The following DIS3L2 variants were observed in gnomAD, a reference collection of about 807,000 sequenced individuals.
DIS3L2 encodes DIS3-like exonuclease 2.
DIS3L2 carries 34 observed loss-of-function variants against 97.5 expected under a neutral mutation model. The observed-to-expected ratio is 0.35, with a 90% CI of 0.27 to 0.46. DIS3L2 has a LOEUF of 0.46. Among genes scored for constraint, DIS3L2 ranks in the 20% least tolerant of loss-of-function variants. The probability of loss-of-function intolerance (pLI) is 1.00; values close to 1 mark genes in which losing one functional copy is unlikely to be tolerated. For synonymous variants in DIS3L2, 435 were observed against 445.2 expected (o/e 0.98, Z 0.29); for missense variants, 1,038 against 1,146.0 (o/e 0.91, Z 1.36).
intron 1 of DIS3L2, among the ~76,000 whole-genome samples, chr2:232,000,725 CTTTTT>C (rs35247478): frequency 1.1e-5 from 1 of 91,142 alleles, no homozygotes; most frequent in Non-Finnish European, 2.3e-5. Context: ...TCTTCTTCTT[CTTTTT>C]TTTTTTTTTT....
At chr2:232,190,629 A>G (rs1691594244) in intron 9 of DIS3L2, among the ~76,000 whole-genome samples, 1 of 152,070 alleles carries the variant, frequency 6.6e-6, no homozygotes. Context: ...AGGAAGAAAG[A>G]AAGAGAAAGA....
At chr2:232,087,897 G>T in intron 6 of DIS3L2, 176 bp downstream of exon 6, 1 of 581,840 alleles carries the variant, frequency 1.7e-6, no homozygotes. Context: ...TTATGAAAGA[G>T]GGGATGAAAG....
chr2:232,253,786 T>C (rs915981417), intron 12 of DIS3L2, among the ~76,000 whole-genome samples: 5 of 152,052 alleles, frequency 3.3e-5, no homozygotes, highest in African/African-American at 1.2e-4. Context: ...AAAGTTAATA[T>C]CCAAATACTC....
chr2:232,131,632 T>C (rs13006746), intron 7 of DIS3L2: 1 of 152,022 alleles, frequency 6.6e-6, no homozygotes, highest in African/African-American at 2.4e-5. Context: ...GCAGAAATGG[T>C]GAAGGGCAAC....
intron 1 of DIS3L2, among the ~76,000 whole-genome samples, chr2:232,010,623 T>C (rs1219597269): frequency 6.6e-6 from 1 of 152,184 alleles, no homozygotes; most frequent in African/African-American, 2.4e-5. Context: ...CTTTGGACTT[T>C]ATCTCTTTGA....
At chr2:232,029,625 A>G (rs1437285361) in intron 4 of DIS3L2, among the ~76,000 whole-genome samples, 6 of 151,664 alleles carry the variant, frequency 4.0e-5, no homozygotes. Context: ...CGTAAAAACA[A>G]CCACAATTTA....
At chr2:232,298,935 G>T (rs961850970) in intron 13 of DIS3L2, among the ~76,000 whole-genome samples, 2 of 152,220 alleles carry the variant, frequency 1.3e-5, no homozygotes, top group Non-Finnish European at 2.9e-5. Context: ...CAGAGTTCCT[G>T]TTCCTGATCT....
intron 9 of DIS3L2, among the ~76,000 whole-genome samples, chr2:232,176,486 TC>T (rs1172360222): frequency 1.3e-5 from 2 of 151,976 alleles, no homozygotes; most frequent in African/African-American, 4.8e-5. Flanking sequence ...TCTACTCTAA[TC>T]TTTGTTATTT....
downstream of DIS3L2, chr2:232,340,657 A>G (rs1196874373): frequency 2.1e-6 from 1 of 467,668 alleles, no homozygotes; most frequent in Non-Finnish European, 4.4e-6. Context: ...AGATGGGAAG[A>G]CTCCATCCAA....
At chr2:232,057,658 C>G (rs963614535) in intron 5 of DIS3L2, among the ~76,000 whole-genome samples, 7 of 152,102 alleles carry the variant, frequency 4.6e-5, no homozygotes, top group Non-Finnish European at 7.4e-5. Flanking sequence ...GATAGCAGCC[C>G]CAGCTGACAA....
At chr2:232,264,134 A>C (rs548856130) in intron 13 of DIS3L2, among the ~76,000 whole-genome samples, 125 of 152,322 alleles carry the variant, frequency 8.2e-4, no homozygotes, top group African/African-American at 2.8e-3. Context: ...GATCCCTTGG[A>C]TGCACAGTTC....
At chr2:232,263,637 CTGTATTT>C (rs1286569159) in intron 13 of DIS3L2, among the ~76,000 whole-genome samples, 197 bp downstream of exon 13, 1 of 152,154 alleles carries the variant, frequency 6.6e-6, no homozygotes, top group Non-Finnish European at 1.5e-5. Context: ...GCAAAATATT[CTGTATTT>C]TGTATGATTC....
chr2:232,249,919 G>A (rs1693372112), intron 12 of DIS3L2, among the ~76,000 whole-genome samples: 2 of 152,214 alleles, frequency 1.3e-5, no homozygotes, highest in South Asian at 4.1e-4. Flanking sequence ...AAGGCACAAG[G>A]TGGTGAAACC....
intron 16 of DIS3L2, among the ~76,000 whole-genome samples, chr2:232,333,258 CTGT>C (rs550972961): frequency 1.5e-5 from 2 of 132,074 alleles, no homozygotes; most frequent in African/African-American, 2.9e-5. Flanking sequence ...TCCTCCTCCG[CTGT>C]CGCCTCCTCC....
rs528537210 is a variant in DIS3L2 at position 231,965,852 on chromosome 2, C to T, written c.-94+4087C>T. Among the ~76,000 whole-genome samples, 3 of 152,306 alleles carry T rather than the reference C, an allele frequency of 2.0e-5. No individual in the cohort carries two copies. The South Asian group carries it at 6.2e-4, about 32-fold the overall frequency. On this transcript the variant is annotated intron_variant, in intron 1 of 20. Coordinates refer to ENST00000325385, the MANE Select transcript of DIS3L2 (RefSeq NM_152383.5). ...AAAGCAGACCCTCTGATGCCACGTC[C>T]ATGTTGCCCTGGCTGGAGTGCAGTG...
chr2:232,298,277 AT>A (rs1694769032), intron 13 of DIS3L2, among the ~76,000 whole-genome samples: 1 of 152,176 alleles, frequency 6.6e-6, no homozygotes, highest in African/African-American at 2.4e-5. Context: ...ATTTCTGATG[AT>A]TTTTCTAAGC....
intron 5 of DIS3L2, among the ~76,000 whole-genome samples, chr2:232,054,803 A>G (rs1418145356): frequency 1.3e-5 from 2 of 152,232 alleles, no homozygotes; most frequent in African/African-American, 2.4e-5. Flanking sequence ...ATAATACAAT[A>G]TAAGAAAATT....
intron 13 of DIS3L2, among the ~76,000 whole-genome samples, chr2:232,280,381 A>T (rs1332022907): frequency 6.6e-6 from 1 of 152,186 alleles, no homozygotes; most frequent in Non-Finnish European, 1.5e-5. Flanking sequence ...AGGGTATGGG[A>T]TGATTAGAGA....
intron 7 of DIS3L2, among the ~76,000 whole-genome samples, chr2:232,134,936 T>A (rs1487037270): frequency 6.6e-6 from 1 of 152,074 alleles, no homozygotes; most frequent in Admixed American, 6.5e-5. Flanking sequence ...TAGACGTAGA[T>A]AACAGACTTG....
Sources: gnomAD v4.1 joint callset for allele counts (sites outside exome capture counted in the v4.1 genomes callset) on GRCh38, gnomAD v4.1.1 for gene constraint, MANE v1.5 for transcripts, NCBI Gene and HGNC (gene_info 2026-07-23, HGNC 2026-07-21) for gene names.